Variants in PCDHA1 observed in about 807,000 individuals in gnomAD.
PCDHA1 encodes protocadherin alpha-1.
In PCDHA1, 42 loss-of-function variants were observed where a neutral mutation model predicts 61.3. The ratio of observed to expected loss-of-function variants is 0.69; its 90% CI spans 0.54 to 0.89. The LOEUF is 0.89. Ranked by LOEUF, PCDHA1 falls within the 40% of genes least tolerant of loss-of-function variation. The pLI is 0.00. For synonymous variants in PCDHA1, 610 were observed against 553.8 expected (o/e 1.10, Z -1.43); for missense variants, 1,256 against 1,235.3 (o/e 1.02, Z -0.25).
chr5:140,799,179 T>C (rs1485674689), intron 1 of PCDHA1, among the ~76,000 whole-genome samples: 1 of 152,172 alleles, frequency 6.6e-6, no homozygotes, highest in Non-Finnish European at 1.5e-5. Flanking sequence ...TCACTGATAC[T>C]TTATCTACAA....
At chr5:140,814,260 A>G (rs1223744595) in intron 1 of PCDHA1, 2 of 152,254 alleles carry the variant, frequency 1.3e-5, no homozygotes, top group African/African-American at 4.8e-5. Context: ...ATAAACACCC[A>G]TACTAGCCTA....
At chr5:140,800,375 A>G (rs1554121124) in intron 1 of PCDHA1, among the ~76,000 whole-genome samples, 16 of 152,166 alleles carry the variant, frequency 1.1e-4, no homozygotes, top group Non-Finnish European at 2.4e-4. Context: ...AGGGAATTAC[A>G]GACATTCTAC....
intron 1 of PCDHA1, chr5:140,927,766 GAGGTGCA>G: frequency 6.2e-7 from 1 of 1,614,234 alleles, no homozygotes. Context: ...TAAAAGTGGG[GAGGTGCA>G]AGTAGCTGCT....
chr5:140,805,305 C>T, intron 1 of PCDHA1: 1 of 1,273,368 alleles, frequency 7.9e-7, no homozygotes. Flanking sequence ...GGAATTCTTC[C>T]TCCTTTTTTC....
chr5:140,807,714 A>T, intron 1 of PCDHA1: 1 of 1,614,204 alleles, frequency 6.2e-7, no homozygotes, highest in Non-Finnish European at 8.5e-7. Flanking sequence ...AGCCCAAATG[A>T]ATACTTTTCT....
chr5:140,873,453 A>G (rs1454430298), intron 1 of PCDHA1, among the ~76,000 whole-genome samples: 2 of 152,180 alleles, frequency 1.3e-5, no homozygotes, highest in Non-Finnish European at 2.9e-5. Context: ...ACAAATTTGC[A>G]TTTTAGATAA....
At chr5:140,943,670 G>A (rs1161487572) in intron 1 of PCDHA1, among the ~76,000 whole-genome samples, 1 of 152,036 alleles carries the variant, frequency 6.6e-6, no homozygotes, top group Non-Finnish European at 1.5e-5. Flanking sequence ...TGTATAAAGT[G>A]TGAAAAAAAG....
At chr5:140,905,383 A>G (rs576453128) in intron 1 of PCDHA1, among the ~76,000 whole-genome samples, 8 of 152,324 alleles carry the variant, frequency 5.3e-5, no homozygotes, top group African/African-American at 1.7e-4. Flanking sequence ...GTTCTGTTTC[A>G]TAGGTCTGTG....
chr5:140,862,497 A>G (rs1337501785), intron 1 of PCDHA1: 1 of 394,588 alleles, frequency 2.5e-6, no homozygotes, highest in Non-Finnish European at 5.1e-6. Flanking sequence ...ATCGCTCGGA[A>G]TGGGGACTCG....
At chr5:140,849,595 C>T (rs2150441932) in intron 1 of PCDHA1, 1 of 1,598,688 alleles carries the variant, frequency 6.3e-7, no homozygotes, top group South Asian at 1.1e-5. Flanking sequence ...CAACTGGGGA[C>T]AGTTATTGCC....
Position 140,858,189 on chromosome 5 carries a change from T to C in PCDHA1, c.2394+69505T>C. The C allele has an allele frequency of 1.3e-6, 2 of 1,597,232 alleles. 1 individual carries two copies. Among genetic ancestry groups the C allele is most frequent in the Non-Finnish European group, 1.7e-6 (2 of 1,167,008 alleles). On this transcript the variant is annotated intron_variant, in intron 1 of 3. Coordinates refer to ENST00000504120, the MANE Select transcript of PCDHA1 (RefSeq NM_018900.4). ...TCCAGCTTGCTGGTGCTCACGCTGC[T>C]GCTGTACACTGCACTGAGGTGCTCG...
chr5:140,985,929 CG>C (rs2097179106), intron 3 of PCDHA1, among the ~76,000 whole-genome samples: 1 of 151,796 alleles, frequency 6.6e-6, no homozygotes, highest in Non-Finnish European at 1.5e-5. Flanking sequence ...TTAGTAGAGC[CG>C]GGGTTTCACT....
At chr5:140,807,948 A>G (rs1046867611) in intron 1 of PCDHA1, 2 of 1,614,124 alleles carry the variant, frequency 1.2e-6, no homozygotes, top group East Asian at 2.2e-5. Context: ...TTACTAGAAA[A>G]TGTTCCTAAT....
At chr5:141,007,395 C>CAAAAAAAAAAAAAAAAA (rs35800918) in intron 3 of PCDHA1, among the ~76,000 whole-genome samples, 5 of 94,868 alleles carry the variant, frequency 5.3e-5, no homozygotes, top group Non-Finnish European at 8.3e-5. Context: ...TACTAAAATA[C>CAAAAAAAAAAAAAAAAA]AAAAAAAAAA....
intron 1 of PCDHA1, among the ~76,000 whole-genome samples, chr5:140,914,094 T>A (rs563496078): frequency 6.9e-4 from 105 of 152,324 alleles, no homozygotes; most frequent in African/African-American, 2.5e-3. Context: ...GTCAATTTGT[T>A]CTATAGTGCA....
chr5:140,881,695 T>G (rs576802700), intron 1 of PCDHA1, among the ~76,000 whole-genome samples: 1 of 152,318 alleles, frequency 6.6e-6, no homozygotes, highest in East Asian at 1.9e-4. Flanking sequence ...CCTTTTGGAG[T>G]CAATGGCTGT....
At chr5:140,926,850 G>A (rs375350613) in intron 1 of PCDHA1, 3 of 1,517,570 alleles carry the variant, frequency 2.0e-6, no homozygotes, top group African/African-American at 2.8e-5. Flanking sequence ...CTGGGTCACC[G>A]TTGGTGTAGC....
At position 140,807,591 on chromosome 5, in the gene PCDHA1, C is replaced by T. The variant is rs1482430512; in HGVS notation, c.2394+18907C>T. 1.9e-6 allele frequency: 3 copies of T among 1,614,028 alleles called. No individual in the cohort carries two copies. In the African/African-American group the frequency reaches 4.0e-5, roughly 22 times the overall value. On this transcript the variant is annotated intron_variant, in intron 1 of 3. Transcript: ENST00000504120. Reference sequence around the variant, plus strand: ...AACGATAACCCGCCGGTGTTCCCAGCAACACAAAAGAACCTGTCCATCGCG... The same window carrying T: ...AACGATAACCCGCCGGTGTTCCCAGTAACACAAAAGAACCTGTCCATCGCG...
intron 1 of PCDHA1, chr5:140,788,940 A>T: frequency 1.5e-6 from 1 of 667,704 alleles, no homozygotes; most frequent in South Asian, 4.1e-5. Flanking sequence ...ACAAGGTACA[A>T]TAAAAGGTAA....
Sources: gnomAD v4.1 joint callset for allele counts (sites outside exome capture counted in the v4.1 genomes callset) on GRCh38, gnomAD v4.1.1 for gene constraint, MANE v1.5 for transcripts, NCBI Gene and HGNC (gene_info 2026-07-23, HGNC 2026-07-21) for gene names.